The following KPNA1 variants were observed in gnomAD, a reference collection of about 807,000 sequenced individuals.
KPNA1 encodes the protein importin subunit alpha-5.
A neutral mutation model predicts 70.5 loss-of-function variants in KPNA1; 10 were observed. That is an observed-to-expected ratio of 0.14 (90% CI 0.09 to 0.24). The LOEUF (loss-of-function observed/expected upper bound fraction) is 0.24, where lower values mean the gene tolerates loss of function less well. Ranked by LOEUF, KPNA1 falls within the 10% of genes least tolerant of loss-of-function variation. The pLI, the probability that KPNA1 is intolerant of heterozygous loss-of-function variation, is 1.00. For synonymous variants in KPNA1, 192 were observed against 221.9 expected (o/e 0.87, Z 1.20); for missense variants, 397 against 637.9 (o/e 0.62, Z 4.07).
intron 1 of KPNA1, among the ~76,000 whole-genome samples, chr3:122,498,956 T>C (rs1052187920): frequency 1.3e-5 from 2 of 152,250 alleles, no homozygotes; most frequent in African/African-American, 2.4e-5. Context: ...TATACTTTTG[T>C]TAAATTCATT....
intron 3 of KPNA1, among the ~76,000 whole-genome samples, chr3:122,465,459 G>A (rs918660562): frequency 6.6e-6 from 1 of 152,152 alleles, no homozygotes; most frequent in African/African-American, 2.4e-5. Flanking sequence ...ATACTGTACT[G>A]AAAATGAGAA....
At chr3:122,478,727 A>T (rs1342956625) in intron 2 of KPNA1, among the ~76,000 whole-genome samples, 1 of 131,218 alleles carries the variant, frequency 7.6e-6, no homozygotes, top group Non-Finnish European at 1.7e-5. Context: ...GGCTTCATCT[A>T]AAAAAAAAAA....
chr3:122,463,858 A>AT (rs1369996063), intron 4 of KPNA1, 84 bp downstream of exon 4: 6 of 595,016 alleles, frequency 1.0e-5, no homozygotes, highest in Admixed American at 5.7e-5. Flanking sequence ...TCCAACACAA[A>AT]TTACCTGTGG....
At chr3:122,447,435 C>T (rs2076152099) in intron 9 of KPNA1, among the ~76,000 whole-genome samples, 1 of 152,174 alleles carries the variant, frequency 6.6e-6, no homozygotes, top group Non-Finnish European at 1.5e-5. Context: ...ATGATTATCT[C>T]AACAGATGCA....
chr3:122,444,592 C>T (rs140168681), intron 9 of KPNA1, among the ~76,000 whole-genome samples: 2 of 152,358 alleles, frequency 1.3e-5, no homozygotes, highest in African/African-American at 4.8e-5. Context: ...TTCAGGGTCC[C>T]TGACTTCCTG....
At chr3:122,446,563 G>A (rs918574497) in intron 9 of KPNA1, among the ~76,000 whole-genome samples, 1 of 152,162 alleles carries the variant, frequency 6.6e-6, no homozygotes, top group Non-Finnish European at 1.5e-5. Flanking sequence ...GCCCACAAGA[G>A]AAAGCAGGAA....
At chr3:122,432,886 G>C (rs935142103) in intron 12 of KPNA1, 1 of 152,262 alleles carries the variant, frequency 6.6e-6, no homozygotes, top group Non-Finnish European at 1.5e-5. Context: ...TTCAAGATCA[G>C]CCTGGCCAAC....
At position 122,480,702 on chromosome 3, in the gene KPNA1, T is replaced by C. The variant is rs150825951; in HGVS notation, c.130-13273A>G. Among the ~76,000 whole-genome samples the C allele has an allele frequency of 2.5e-4, 38 of 152,014 alleles. No homozygotes were observed. The East Asian group carries it at 7.1e-3, about 29-fold the overall frequency. ...AAAAAAAGTATTTTAAAAAAACCAT[T>C]GAGGCCAGGCACAGTGCCTCACACC... On this transcript the variant is annotated intron_variant, in intron 2 of 13. Coordinates refer to ENST00000344337, the MANE Select transcript of KPNA1 (RefSeq NM_002264.4).
chr3:122,441,427 G>A (rs564337822), intron 10 of KPNA1, among the ~76,000 whole-genome samples: 1 of 152,226 alleles, frequency 6.6e-6, no homozygotes, highest in East Asian at 1.9e-4. Context: ...AAAAGACAGA[G>A]AAAAGATGCT....
chr3:122,451,650 A>G lies in KPNA1; in HGVS notation c.654-17T>C. The G allele has an allele frequency of 6.7e-7, 1 of 1,496,268 alleles. No homozygotes were observed. The highest frequency in any genetic ancestry group is 1.4e-5 in the African/African-American group (1 of 72,364). 92.7% of individuals were successfully genotyped at this position (1,496,268 alleles called of 1,614,324 possible). On this transcript the variant is annotated splice_polypyrimidine_tract_variant and intron_variant, in intron 7 of 13. Coordinates refer to ENST00000344337, the MANE Select transcript of KPNA1 (RefSeq NM_002264.4). ...GAAAATAACCTAAAAGCACGATGGT[A>G]CAATGGTAAACTATGTAACAGACAG...
At chr3:122,492,669 G>C (rs2076713543) in intron 2 of KPNA1, among the ~76,000 whole-genome samples, 1 of 152,120 alleles carries the variant, frequency 6.6e-6, no homozygotes, top group Non-Finnish European at 1.5e-5. Flanking sequence ...TCTCATATTG[G>C]ACAGCATAGC....
At chr3:122,493,367 A>C (rs2076721563) in intron 2 of KPNA1, among the ~76,000 whole-genome samples, 1 of 149,656 alleles carries the variant, frequency 6.7e-6, no homozygotes, top group South Asian at 2.1e-4. Context: ...AAAAAAAAAA[A>C]CAGTATGTGT....
At chr3:122,433,568 T>C in intron 12 of KPNA1, 93 bp downstream of exon 12, 1 of 1,063,618 alleles carries the variant, frequency 9.4e-7, no homozygotes, top group Non-Finnish European at 1.3e-6. Context: ...GCAGCTAATC[T>C]TTTACTCTAG....
At chr3:122,445,786 C>T (rs570501175) in intron 9 of KPNA1, among the ~76,000 whole-genome samples, 1 of 152,114 alleles carries the variant, frequency 6.6e-6, no homozygotes, top group Admixed American at 6.5e-5. Context: ...ATCTCACGTG[C>T]AGAGACACAC....
chr3:122,503,883 A>G (rs947923949), intron 1 of KPNA1, among the ~76,000 whole-genome samples: 2 of 152,206 alleles, frequency 1.3e-5, no homozygotes, highest in East Asian at 1.9e-4. Flanking sequence ...ATTATATGAC[A>G]TTCTGGAAGA....
At chr3:122,461,121 CTT>C (rs1056350354) in intron 5 of KPNA1, 101 bp downstream of exon 5, 5 of 675,646 alleles carry the variant, frequency 7.4e-6, no homozygotes, top group East Asian at 5.7e-5. Context: ...TATAAACAAA[CTT>C]AATTCTTCAT....
intron 9 of KPNA1, among the ~76,000 whole-genome samples, chr3:122,447,742 T>C (rs2076155872): frequency 6.6e-6 from 1 of 152,206 alleles, no homozygotes; most frequent in Admixed American, 6.5e-5. Context: ...TGTCCCTGTT[T>C]GCAGATGACA....
At chr3:122,476,335 T>C (rs1308998064) in intron 2 of KPNA1, among the ~76,000 whole-genome samples, 3 of 151,994 alleles carry the variant, frequency 2.0e-5, no homozygotes, top group African/African-American at 4.8e-5. Context: ...CTGTAAAACA[T>C]AGGGAAAAAG....
At chr3:122,444,415 T>C (rs773812577) in intron 9 of KPNA1, among the ~76,000 whole-genome samples, 3 of 152,186 alleles carry the variant, frequency 2.0e-5, no homozygotes, top group South Asian at 2.1e-4. Flanking sequence ...TATAAGAGTA[T>C]TGACTGGGGA....
Sources: allele counts gnomAD v4.1 joint callset (sites outside exome capture counted in the v4.1 genomes callset), GRCh38; gene constraint gnomAD v4.1.1; transcripts MANE v1.5; gene names NCBI Gene and HGNC (gene_info 2026-07-23, HGNC 2026-07-21).